RICTOR: variants seen among roughly 807,000 people sequenced by gnomAD.
RICTOR encodes rapamycin-insensitive companion of mTOR.
In RICTOR, 49 loss-of-function variants were observed where a neutral mutation model predicts 214.9. The observed-to-expected ratio is 0.23, with a 90% CI of 0.18 to 0.29. The LOEUF is 0.29. Ranked by LOEUF, RICTOR falls within the 10% of genes least tolerant of loss-of-function variation. The pLI is 1.00. For synonymous variants in RICTOR, 717 were observed against 711.3 expected (o/e 1.01, Z -0.13); for missense variants, 1,625 against 2,047.0 (o/e 0.79, Z 3.98).
intron 2 of RICTOR, among the ~76,000 whole-genome samples, chr5:39,059,636 T>C (rs896890659): frequency 1.3e-5 from 2 of 152,126 alleles, no homozygotes; most frequent in Non-Finnish European, 2.9e-5. Flanking sequence ...TATGGTTCCT[T>C]TCAGTAAAAT....
intron 2 of RICTOR, among the ~76,000 whole-genome samples, chr5:39,036,209 C>A (rs1290185682): frequency 6.6e-6 from 1 of 152,114 alleles, no homozygotes; most frequent in African/African-American, 2.4e-5. Context: ...TCATATCCAG[C>A]CAAACTAAGC....
intron 2 of RICTOR, 94 bp downstream of exon 2, chr5:39,074,017 C>G: frequency 1.1e-6 from 1 of 901,788 alleles, no homozygotes; most frequent in Non-Finnish European, 1.5e-6. Context: ...CCGCCGGTCC[C>G]GTGCGGGGCC....
chr5:38,994,185 A>G (rs575167647), intron 6 of RICTOR, among the ~76,000 whole-genome samples: 28 of 151,828 alleles, frequency 1.8e-4, no homozygotes, highest in African/African-American at 6.8e-4. Context: ...GCGAGACTCC[A>G]TCTCAAAAAA....
intron 6 of RICTOR, among the ~76,000 whole-genome samples, chr5:38,991,346 A>C (rs1386358824): frequency 6.6e-6 from 1 of 152,144 alleles, no homozygotes; most frequent in Non-Finnish European, 1.5e-5. Flanking sequence ...TGAGATTTTA[A>C]ATTACTCTAG....
At chr5:38,983,075 C>A (rs1408849614) in intron 7 of RICTOR, among the ~76,000 whole-genome samples, 1 of 152,052 alleles carries the variant, frequency 6.6e-6, no homozygotes, top group Non-Finnish European at 1.5e-5. Context: ...TCTCATTATC[C>A]TAGAAAGATC....
At chr5:38,949,094 G>C (rs1008534004) in intron 31 of RICTOR, among the ~76,000 whole-genome samples, 1 of 151,834 alleles carries the variant, frequency 6.6e-6, no homozygotes, top group Non-Finnish European at 1.5e-5. Context: ...AAAATTATAG[G>C]TACAAAATTT....
intron 6 of RICTOR, among the ~76,000 whole-genome samples, chr5:38,994,733 A>ACTG (rs1554069080): frequency 6.6e-6 from 1 of 152,166 alleles, no homozygotes; most frequent in South Asian, 2.1e-4. Context: ...AGCAATTAAA[A>ACTG]ACTACTTTAA....
At chr5:39,064,879 G>T (rs1368568409) in intron 2 of RICTOR, among the ~76,000 whole-genome samples, 1 of 152,140 alleles carries the variant, frequency 6.6e-6, no homozygotes, top group Non-Finnish European at 1.5e-5. Context: ...GGAGGCTAAA[G>T]TGCTGCAAGT....
Position 38,945,633 on chromosome 5 carries a change from ATGGAT to A in RICTOR, c.4486_4490del (p.Ile1496PhefsTer21). ...TTTCTAAAAACAGAGAGGCATCTGA[ATGGAT>A]TGAATTCATTATTTCCGTAAGACTC... On this transcript the variant is annotated frameshift_variant, in exon 34 of 38. Coordinates refer to ENST00000357387, the MANE Select transcript of RICTOR (RefSeq NM_152756.5). LOFTEE classifies it high-confidence loss of function. 6.2e-7 allele frequency: 1 copy of A among 1,613,938 alleles called. No homozygotes were observed. The highest frequency in any genetic ancestry group is 1.1e-5 in the South Asian group (1 of 91,078).
chr5:38,967,095 C>G (rs2150032008), intron 14 of RICTOR, 66 bp downstream of exon 14: 1 of 1,257,304 alleles, frequency 8.0e-7, no homozygotes, highest in East Asian at 2.3e-5. Context: ...GTCACCACAC[C>G]TGGCATGAAA....
chr5:39,046,578 A>G lies in RICTOR; in HGVS notation c.98-25442T>C, dbSNP rs1757519693. Among the ~76,000 whole-genome samples the G allele has an allele frequency of 2.0e-5, 3 of 151,982 alleles. No homozygotes were observed. The South Asian group carries it at 6.2e-4, about 32-fold the overall frequency. On this transcript the variant is annotated intron_variant, in intron 2 of 37. Coordinates refer to ENST00000357387, the MANE Select transcript of RICTOR (RefSeq NM_152756.5). The stretch of plus-strand genomic sequence containing the variant: ...CTCAAGCTTACCATTTGCCTAATTC[A>G]AAGTTTTTCTCTCAGCTTTTCAAAA...
At chr5:39,042,760 A>C (rs752996155) in intron 2 of RICTOR, among the ~76,000 whole-genome samples, 5 of 152,258 alleles carry the variant, frequency 3.3e-5, no homozygotes, top group Non-Finnish European at 7.3e-5. Context: ...CTCAAAAAGT[A>C]TTTGTTGAAT....
rs765037176 is a variant in RICTOR, at chr5:38,962,953, T to C, written c.1489A>G (p.Ile497Val). The C allele has an allele frequency of 6.2e-7, 1 of 1,612,778 alleles. No individual in the cohort carries two copies. Among genetic ancestry groups the C allele is most frequent in the South Asian group, 1.1e-5 (1 of 91,036 alleles). Residue 497 changes from isoleucine (I) to valine (V), a missense_variant, in exon 17 of 38, where the codon ATT becomes GTT. Physicochemically the swap from Ile to Val is conservative, Grantham distance 29. Around this residue, in one of 5 missense-constraint regions of RICTOR, gnomAD observed 1,214 missense variants for 1,470.5 expected, o/e 0.83. Coordinates refer to ENST00000357387, the MANE Select transcript of RICTOR (RefSeq NM_152756.5). ...PKPYSLHLDH[I>V]IQKAIATHQK... is the part of the protein sequence containing the mutation. ...TGTGTTGCAATTGCTTTCTGAATAATGTGGTCTAAATGAAGACTATAAGGC... is the reference window on the plus strand; with the variant it reads ...TGTGTTGCAATTGCTTTCTGAATAACGTGGTCTAAATGAAGACTATAAGGC...
At chr5:39,058,621 C>A (rs766447350) in intron 2 of RICTOR, among the ~76,000 whole-genome samples, 17 of 152,078 alleles carry the variant, frequency 1.1e-4, no homozygotes, top group Non-Finnish European at 1.9e-4. Context: ...ATTTTGTATT[C>A]TAACAACTTT....
At chr5:39,054,313 CAT>C (rs1321729784) in intron 2 of RICTOR, among the ~76,000 whole-genome samples, 1 of 152,080 alleles carries the variant, frequency 6.6e-6, no homozygotes, top group East Asian at 1.9e-4. Context: ...TCACAGCCCA[CAT>C]GTCTTAGTGC....
At chr5:38,957,815 G>T in intron 24 of RICTOR, 85 bp from the exon 25 acceptor site, 1 of 723,460 alleles carries the variant, frequency 1.4e-6, no homozygotes, top group Non-Finnish European at 2.3e-6. Context: ...ATTTAAAAAA[G>T]TATAAGGAGC....
Position 38,947,499 on chromosome 5 carries a change from A to G in RICTOR, c.4137-58T>C, listed in dbSNP as rs1325513670. On this transcript the variant is annotated intron_variant, in intron 31 of 37. Coordinates refer to ENST00000357387, the MANE Select transcript of RICTOR (RefSeq NM_152756.5). ...TTTCTTGATCTGTAATTTTAATCAT[A>G]TGAAGAAATAACATATATTCCTACC... is the stretch of plus-strand genomic sequence containing the variant. The G allele has an allele frequency of 6.4e-6, 8 of 1,244,682 alleles. 1 individual carries two copies. In the African/African-American group the frequency reaches 1.2e-4, roughly 19 times the overall value. 77.1% of individuals were successfully genotyped at this position (1,244,682 alleles called of 1,614,324 possible). A position where few individuals can be genotyped will look rare whatever the true frequency, so the allele number is the denominator to read the frequency against.
intron 36 of RICTOR, 100 bp from the exon 37 acceptor site, chr5:38,943,071 A>G (rs1747765777): frequency 4.1e-6 from 3 of 725,572 alleles, no homozygotes; most frequent in South Asian, 3.7e-5. Flanking sequence ...CCCTACAGAT[A>G]TGGATTAGAT....
intron 2 of RICTOR, among the ~76,000 whole-genome samples, chr5:39,023,171 C>G (rs1755562202): frequency 6.6e-6 from 1 of 151,254 alleles, no homozygotes; most frequent in Non-Finnish European, 1.5e-5. Flanking sequence ...CAGGGCAAAA[C>G]AGAAGACAGT....
Sources: gnomAD v4.1 joint callset for allele counts (sites outside exome capture counted in the v4.1 genomes callset) on GRCh38, gnomAD v4.1.1 for gene constraint, gnomAD v4.1.1 regional missense constraint, MANE v1.5 for transcripts, NCBI Gene and HGNC (gene_info 2026-07-23, HGNC 2026-07-21) for gene names.